Variants in LDAH observed in about 807,000 individuals in gnomAD.
LDAH encodes lipid droplet associated hydrolase.
In LDAH, 26 loss-of-function variants were observed where a neutral mutation model predicts 29.6. The ratio of observed to expected loss-of-function variants is 0.88; its 90% CI spans 0.64 to 1.22. The LOEUF (loss-of-function observed/expected upper bound fraction) is 1.22. LDAH is among the 50% of genes most tolerant of loss of function. The pLI is 0.00. For synonymous variants in LDAH, 117 were observed against 133.0 expected (o/e 0.88, Z 0.83); for missense variants, 344 against 387.3 (o/e 0.89, Z 0.94).
At chr2:20,821,682 G>T (rs1673318872) in intron 1 of LDAH, among the ~76,000 whole-genome samples, 1 of 152,036 alleles carries the variant, frequency 6.6e-6, no homozygotes, top group Admixed American at 6.6e-5. Context: ...AAGTTAATGG[G>T]TGCAGCACAC....
At chr2:20,783,557 C>T (rs1226997917) in intron 3 of LDAH, among the ~76,000 whole-genome samples, 1 of 152,206 alleles carries the variant, frequency 6.6e-6, no homozygotes, top group Non-Finnish European at 1.5e-5. Context: ...TTATCCCTGA[C>T]ATTTTCTTTT....
At chr2:20,705,356 A>T (rs1309317684) in intron 5 of LDAH, among the ~76,000 whole-genome samples, 1 of 152,214 alleles carries the variant, frequency 6.6e-6, no homozygotes, top group Non-Finnish European at 1.5e-5. Context: ...GTTTCATAGG[A>T]ATATGCCCTA....
chr2:20,769,107 C>T (rs1034935648), intron 4 of LDAH, among the ~76,000 whole-genome samples: 3 of 152,142 alleles, frequency 2.0e-5, no homozygotes, highest in African/African-American at 7.2e-5. Context: ...CTGCCCTCTC[C>T]CCGTGCCCAG....
intron 4 of LDAH, among the ~76,000 whole-genome samples, chr2:20,755,129 TTG>T (rs70939051): frequency 0.061 from 7,265 of 118,146 alleles, 174 homozygotes; most frequent in Admixed American, 0.065. Flanking sequence ...GTGTCTGTGT[TTG>T]TGTGTGTGTG....
At chr2:20,778,446 A>G (rs1474285286) in intron 3 of LDAH, among the ~76,000 whole-genome samples, 1 of 152,232 alleles carries the variant, frequency 6.6e-6, no homozygotes, top group Non-Finnish European at 1.5e-5. Flanking sequence ...TTAAGCAGTC[A>G]TTAAAATTGC....
intron 3 of LDAH, among the ~76,000 whole-genome samples, chr2:20,779,397 G>A (rs945838521): frequency 6.6e-6 from 1 of 151,952 alleles, no homozygotes; most frequent in Non-Finnish European, 1.5e-5. Context: ...GTCAATAGGT[G>A]CAGCAAACCA....
At chr2:20,741,538 C>T (rs113791961) in intron 4 of LDAH, among the ~76,000 whole-genome samples, 4,854 of 152,272 alleles carry the variant, frequency 0.032, 265 homozygotes, top group African/African-American at 0.11. Context: ...ATACTCACTG[C>T]ACTGTGCAAT....
intron 5 of LDAH, among the ~76,000 whole-genome samples, chr2:20,734,496 T>G (rs1459960013): frequency 6.6e-6 from 1 of 152,194 alleles, no homozygotes; most frequent in African/African-American, 2.4e-5. Flanking sequence ...ATACATGACT[T>G]ATTACTATGT....
intron 6 of LDAH, among the ~76,000 whole-genome samples, chr2:20,688,470 A>G (rs1379109165): frequency 1.3e-5 from 2 of 152,184 alleles, no homozygotes; most frequent in Non-Finnish European, 2.9e-5. Flanking sequence ...AAGACTGCAC[A>G]GTGAAGTGAC....
intron 6 of LDAH, among the ~76,000 whole-genome samples, chr2:20,700,183 G>T (rs1663821859): frequency 6.6e-6 from 1 of 152,236 alleles, no homozygotes; most frequent in Non-Finnish European, 1.5e-5. Flanking sequence ...ATCGCTCAGT[G>T]ACTGGAAGTA....
intron 3 of LDAH, among the ~76,000 whole-genome samples, chr2:20,787,350 G>A (rs560397109): frequency 1.2e-3 from 178 of 152,226 alleles, no homozygotes; most frequent in African/African-American, 4.1e-3. Flanking sequence ...CTGGAGTGCA[G>A]TGGCACAATC....
In LDAH at chr2:20,757,511, T is replaced by G. The variant is rs150882307; in HGVS notation, c.468+17299A>C. ...TATTGTTTTACTAATTTTTCACATA[T>G]AATGTCAGGTATTCAGTTAAAAAAA... is the stretch of plus-strand genomic sequence containing the variant. On this transcript the variant is annotated intron_variant, in intron 4 of 6. Transcript: ENST00000237822. Among the ~76,000 whole-genome samples the G allele has an allele frequency of 3.1e-3, 473 of 152,284 alleles. 2 individuals are homozygous for G. The highest frequency in any genetic ancestry group is 9.6e-3 in the African/African-American group (397 of 41,560).
chr2:20,743,207 A>T (rs1366540223), intron 4 of LDAH, among the ~76,000 whole-genome samples: 1 of 149,482 alleles, frequency 6.7e-6, no homozygotes, highest in East Asian at 2.0e-4. Flanking sequence ...ATGTGATTCC[A>T]TTTTCTCTCC....
At chr2:20,716,685 C>A (rs1403901411) in intron 5 of LDAH, among the ~76,000 whole-genome samples, 1 of 146,986 alleles carries the variant, frequency 6.8e-6, no homozygotes, top group African/African-American at 2.5e-5. Flanking sequence ...ATGTAACAAA[C>A]CTGCACGTTG....
At chr2:20,767,525 T>G (rs1669124254) in intron 4 of LDAH, among the ~76,000 whole-genome samples, 2 of 152,172 alleles carry the variant, frequency 1.3e-5, no homozygotes, top group African/African-American at 4.8e-5. Context: ...GGGGGTGTGT[T>G]GAGGGCGGCT....
At chr2:20,752,522 G>A (rs1403260857) in intron 4 of LDAH, among the ~76,000 whole-genome samples, 1 of 152,132 alleles carries the variant, frequency 6.6e-6, no homozygotes, top group Admixed American at 6.5e-5. Context: ...GCTACAAATG[G>A]GTGGTTTCAA....
intron 3 of LDAH, among the ~76,000 whole-genome samples, chr2:20,776,203 C>T (rs975523225): frequency 2.6e-5 from 4 of 152,118 alleles, no homozygotes; most frequent in Admixed American, 6.6e-5. Flanking sequence ...CTCAGAAAAA[C>T]TACTCTTCTG....
At chr2:20,737,606 A>T (rs1038774329) in intron 5 of LDAH, among the ~76,000 whole-genome samples, 1 of 152,194 alleles carries the variant, frequency 6.6e-6, no homozygotes, top group Non-Finnish European at 1.5e-5. Context: ...CTGAAAACCA[A>T]CGAGGGGAAG....
intron 2 of LDAH, among the ~76,000 whole-genome samples, chr2:20,795,948 CACA>C (rs879799106): frequency 0.25 from 2,940 of 11,794 alleles, 41 homozygotes; most frequent in Non-Finnish European, 0.42. Flanking sequence ...AAACCTGCCA[CACA>C]CACACACACA....
Sources: gnomAD v4.1 joint callset for allele counts (sites outside exome capture counted in the v4.1 genomes callset) on GRCh38, gnomAD v4.1.1 for gene constraint, MANE v1.5 for transcripts, NCBI Gene and HGNC (gene_info 2026-07-23, HGNC 2026-07-21) for gene names.